Variants in KIAA0586 observed in about 807,000 individuals in gnomAD.
The protein encoded by KIAA0586 is KIAA0586.
A neutral mutation model predicts 169.8 loss-of-function variants in KIAA0586; 144 were observed. The observed-to-expected ratio is 0.85, with a 90% CI of 0.74 to 0.97. The LOEUF (loss-of-function observed/expected upper bound fraction) is 0.97. Ranked by LOEUF, KIAA0586 falls within the 50% of genes least tolerant of loss-of-function variation. KIAA0586 has a pLI of 0.00. For missense variants in KIAA0586, 1,854 were observed against 1,823.0 expected, an observed-to-expected ratio of 1.02 and a Z score of -0.31; for synonymous variants, 625 against 612.4, an observed-to-expected ratio of 1.02 and a Z score of -0.30.
At chr14:58,473,034 G>A (rs1476604061) in intron 18 of KIAA0586, among the ~76,000 whole-genome samples, 1 of 149,170 alleles carries the variant, frequency 6.7e-6, no homozygotes, top group East Asian at 2.0e-4. Flanking sequence ...AAAGGTACTT[G>A]GTAATTGTTT....
intron 8 of KIAA0586, among the ~76,000 whole-genome samples, chr14:58,452,957 G>A (rs147607456): frequency 2.8e-4 from 42 of 149,632 alleles, no homozygotes; most frequent in Middle Eastern, 6.8e-3. Context: ...CACTCTTGTC[G>A]CCCAGGCTGG....
rs970331206 is a variant in KIAA0586 at position 58,490,201 on chromosome 14, T to C, written c.3819T>C (p.Asn1273=). 2 of 1,544,074 alleles carry C rather than the reference T, an allele frequency of 1.3e-6. No individual in the cohort carries two copies. The highest frequency in any genetic ancestry group is 1.4e-5 in the African/African-American group (1 of 72,680). The change falls in exon 25 of 31, where the codon AAT becomes AAC. Residue 1273 remains asparagine (N), a synonymous_variant. Coordinates refer to ENST00000652326, the MANE Select transcript of KIAA0586 (RefSeq NM_001329943.3). The part of the protein sequence containing the change: ...EDIGLYLTNL[N]DSLSSTLHDA... ...TAGGACTGTACCTGACAAACCTTAA[T>C]GATAGCTTATCCAGCACTCTGCATG... is the stretch of plus-strand genomic sequence containing the variant.
chr14:58,479,252 A>AATT (rs1271231916), intron 20 of KIAA0586, among the ~76,000 whole-genome samples: 2 of 152,214 alleles, frequency 1.3e-5, no homozygotes, highest in East Asian at 3.8e-4. Context: ...TAACTATACT[A>AATT]ATACCTGAGT....
chr14:58,441,614 G>A (rs764858135), intron 4 of KIAA0586, among the ~76,000 whole-genome samples: 44 of 152,186 alleles, frequency 2.9e-4, no homozygotes, highest in South Asian at 1.5e-3. Context: ...TTCACAGTCA[G>A]TTACAGACCA....
At chr14:58,441,300 A>T (rs1269014864) in intron 4 of KIAA0586, 3 of 447,224 alleles carry the variant, frequency 6.7e-6, no homozygotes, top group East Asian at 7.1e-5. Flanking sequence ...CCTCAGGCTC[A>T]TGAGATCCTC....
intron 16 of KIAA0586, among the ~76,000 whole-genome samples, 165 bp from the exon 17 acceptor site, chr14:58,470,448 A>T (rs570662299): frequency 6.6e-6 from 1 of 152,242 alleles, no homozygotes; most frequent in South Asian, 2.1e-4. Context: ...TTTCATAATT[A>T]AAAAATTTTG....
At chr14:58,490,130 T>C in intron 24 of KIAA0586, 34 bp from the exon 25 acceptor site, 1 of 1,056,220 alleles carries the variant, frequency 9.5e-7, no homozygotes, top group Non-Finnish European at 1.4e-6. Context: ...TGTGTTTCTT[T>C]TTTTTTTCTA....
chr14:58,515,387 C>T (rs2044677536), intron 29 of KIAA0586, among the ~76,000 whole-genome samples: 1 of 152,018 alleles, frequency 6.6e-6, no homozygotes, highest in African/African-American at 2.4e-5. Flanking sequence ...AAATTTAGCA[C>T]CTTTTATACT....
At chr14:58,561,720 C>T in the KIAA0586 span, among the ~76,000 whole-genome samples, 1 of 152,176 alleles carries the variant, frequency 6.6e-6, no homozygotes, top group Non-Finnish European at 1.5e-5. Flanking sequence ...ACTCAAATTG[C>T]ATTGTTCCTT....
At chr14:58,436,801 C>T (rs958576385) in intron 4 of KIAA0586, among the ~76,000 whole-genome samples, 6 of 152,092 alleles carry the variant, frequency 3.9e-5, no homozygotes, top group Non-Finnish European at 8.8e-5. Context: ...TGATGGAGAA[C>T]TTGCCTTAAT....
At chr14:58,559,655 C>T in the KIAA0586 span, among the ~76,000 whole-genome samples, 1 of 152,174 alleles carries the variant, frequency 6.6e-6, no homozygotes, top group African/African-American at 2.4e-5. Context: ...CATCACCAAT[C>T]TTTCCACCAC....
In KIAA0586 at chr14:58,461,017, A is replaced by T. The variant is rs1210187670; in HGVS notation, c.1916A>T (p.Asp639Val). 2 of 1,608,708 alleles carry T rather than the reference A, an allele frequency of 1.2e-6. No individual in the cohort carries two copies. Among genetic ancestry groups the T allele is most frequent in the Non-Finnish European group, 1.7e-6 (2 of 1,178,192 alleles). ...TTGAAAGCAACCACAGTAATACAAG[A>T]TGAAGATTATATGTTACAAGTCTAT... ...GLLKATTVIQ[D>V]EDYMLQVYGK... Residue 639 changes from aspartate (D) to valine (V), a missense_variant, in exon 14 of 31, where the codon GAT becomes GTT. Physicochemically the swap from Asp to Val is radical, Grantham distance 152. Coordinates refer to ENST00000652326, the MANE Select transcript of KIAA0586 (RefSeq NM_001329943.3).
intron 29 of KIAA0586, among the ~76,000 whole-genome samples, chr14:58,514,985 T>G (rs1026657397): frequency 3.9e-5 from 6 of 152,070 alleles, no homozygotes; most frequent in African/African-American, 1.4e-4. Flanking sequence ...CCAGGAACAA[T>G]TAAATTCTAT....
At chr14:58,507,309 TA>T (rs1252240406) in intron 27 of KIAA0586, among the ~76,000 whole-genome samples, 1 of 147,184 alleles carries the variant, frequency 6.8e-6, no homozygotes, top group African/African-American at 2.5e-5. Flanking sequence ...ATGATTTATA[TA>T]TCATATATAT....
chr14:58,508,417 GGTGTTTTT>G lies in KIAA0586; in HGVS notation c.4169-135_4169-128del, dbSNP rs1595427400. The stretch of plus-strand genomic sequence containing the variant: ...TTAATTGCAGTGAAGGCTTGGTCCA[GGTGTTTTT>G]GTTTGAAGTACACTGCTAGTTCTAA... On this transcript the variant is annotated intron_variant, in intron 27 of 30. Transcript: ENST00000652326. The G allele has an allele frequency of 1.2e-5, 8 of 641,112 alleles. 1 individual carries two copies. The highest frequency in any genetic ancestry group is 2.8e-5 in the East Asian group (1 of 35,228). 39.7% of individuals were successfully genotyped at this position (641,112 alleles called of 1,614,324 possible). A position where few individuals can be genotyped will look rare whatever the true frequency, so the allele number is the denominator to read the frequency against.
chr14:58,561,901 T>C, the KIAA0586 span, among the ~76,000 whole-genome samples: 2 of 152,194 alleles, frequency 1.3e-5, no homozygotes, highest in African/African-American at 4.8e-5. Flanking sequence ...ACAAGAAATC[T>C]TTTTCTTCCC....
upstream of KIAA0586, chr14:58,427,636 G>T (rs1273670039): frequency 2.6e-6 from 4 of 1,535,562 alleles, no homozygotes; most frequent in African/African-American, 4.1e-5. Context: ...TGGATGTTTT[G>T]GGTGAGTTTC....
rs941625489 is a variant in KIAA0586, at chr14:58,428,400, G to A, written c.136G>A (p.Ala46Thr). Residue 46 changes from alanine to threonine, a missense_variant, in exon 1 of 31, where the codon GCA becomes ACA. Ala to Thr is a moderately conservative substitution (Grantham distance 58). Coordinates refer to ENST00000652326, the MANE Select transcript of KIAA0586 (RefSeq NM_001329943.3). ...LKDELPCVPP[A>T]LSANKRLPVG... Reference sequence around the variant, plus strand: ...AGATGAGTTGCCCTGTGTTCCTCCGGCATTGTCTGCAAATAAACGTCTTCC... The same window carrying A: ...AGATGAGTTGCCCTGTGTTCCTCCGACATTGTCTGCAAATAAACGTCTTCC... The A allele has an allele frequency of 2.5e-6, 4 of 1,613,824 alleles. No individual in the cohort carries two copies. The highest frequency in any genetic ancestry group is 1.7e-5 in the Admixed American group (1 of 59,986).
chr14:58,550,163 A>T lies in KIAA0586; in HGVS notation c.*2231A>T. ...ACAGGCGTGCGCCACCATGCCCGGC[A>T]AATTTTGTATTTTTAGTAGAGATGG... On this transcript the variant is annotated 3_prime_UTR_variant, in exon 31 of 31. Coordinates refer to ENST00000652326, the MANE Select transcript of KIAA0586 (RefSeq NM_001329943.3). The T allele has an allele frequency of 6.6e-6, 1 of 152,248 alleles. No individual in the cohort carries two copies. Among genetic ancestry groups the T allele is most frequent in the Non-Finnish European group, 1.5e-5 (1 of 68,118 alleles). The allele number at this position is 152,248 out of a possible 1,614,324, so 9.4% of individuals were successfully genotyped here.
Sources: allele counts gnomAD v4.1 joint callset (sites outside exome capture counted in the v4.1 genomes callset), GRCh38; gene constraint gnomAD v4.1.1; transcripts MANE v1.5; gene names NCBI Gene and HGNC (gene_info 2026-07-23, HGNC 2026-07-21).